Variants in CDH23 observed in about 807,000 individuals in gnomAD.
CDH23 encodes the protein cadherin related 23, also known as cadherin-23.
Under a neutral mutation model 317.1 loss-of-function variants are expected in CDH23, and 189 were observed. The observed-to-expected ratio is 0.60, with a 90% confidence interval of 0.53 to 0.67. The LOEUF (loss-of-function observed/expected upper bound fraction) is 0.67. CDH23 is among the 30% of genes least tolerant of loss of function. The pLI is 0.00. For missense variants in CDH23, 4,401 were observed against 4,592.4 expected, an observed-to-expected ratio of 0.96 and a Z score of 1.20; for synonymous variants, 1,839 against 1,876.8, an observed-to-expected ratio of 0.98 and a Z score of 0.52.
intron 3 of CDH23, among the ~76,000 whole-genome samples, chr10:71,487,442 C>T (rs139869062): frequency 2.7e-3 from 416 of 152,198 alleles, no homozygotes; most frequent in Non-Finnish European, 3.9e-3. Flanking sequence ...CTTACATGGA[C>T]GTGACATAAG....
chr10:71,782,110 T>C (rs1327537961), intron 41 of CDH23, among the ~76,000 whole-genome samples: 3 of 152,214 alleles, frequency 2.0e-5, no homozygotes, highest in East Asian at 1.9e-4. Context: ...GGGAGACAGA[T>C]GCCAGATTTC....
chr10:71,508,733 G>T (rs938852415), intron 3 of CDH23, among the ~76,000 whole-genome samples: 2 of 152,162 alleles, frequency 1.3e-5, no homozygotes, highest in Non-Finnish European at 2.9e-5. Context: ...TAAGTGATTT[G>T]CCTTAGGCCA....
chr10:71,511,890 T>C (rs958421271), intron 6 of CDH23: 1 of 153,572 alleles, frequency 6.5e-6, no homozygotes, highest in Non-Finnish European at 1.4e-5. Context: ...CAGTTAGTGA[T>C]TCAAAGACTC....
At chr10:71,466,208 T>C (rs962075719) in intron 3 of CDH23, among the ~76,000 whole-genome samples, 1 of 152,138 alleles carries the variant, frequency 6.6e-6, no homozygotes, top group African/African-American at 2.4e-5. Context: ...CACACGTGTG[T>C]ATGAGCATGT....
At chr10:71,554,508 GTC>G (rs915003402) in intron 6 of CDH23, among the ~76,000 whole-genome samples, 27 of 151,918 alleles carry the variant, frequency 1.8e-4, no homozygotes, top group Admixed American at 1.6e-3. Context: ...GACTCCTTGC[GTC>G]TCTCAGTCAC....
chr10:71,609,993 T>TGAGAGAGA (rs1269367633), intron 9 of CDH23, among the ~76,000 whole-genome samples: 27 of 137,798 alleles, frequency 2.0e-4, no homozygotes, highest in South Asian at 2.3e-4. Flanking sequence ...TGTGTGTGTG[T>TGAGAGAGA]GTGAGAGAGA....
intron 52 of CDH23, 149 bp downstream of exon 52, chr10:71,799,778 C>A: frequency 9.4e-7 from 1 of 1,066,344 alleles, no homozygotes; most frequent in Admixed American, 2.2e-5. Flanking sequence ...AGTCAGCAAA[C>A]CCTGTTCTCA....
At chr10:71,622,404 C>T (rs544329757) in intron 11 of CDH23, among the ~76,000 whole-genome samples, 22 of 152,162 alleles carry the variant, frequency 1.4e-4, no homozygotes, top group Non-Finnish European at 3.1e-4. Context: ...GTTTGTTGCG[C>T]GGGTTGGAAT....
intron 61 of CDH23, 78 bp downstream of exon 61, chr10:71,810,154 C>T: frequency 6.4e-7 from 1 of 1,551,262 alleles, no homozygotes; most frequent in Non-Finnish European, 8.8e-7. Context: ...AGAGACAGGG[C>T]ATTGTGCAAA....
intron 9 of CDH23, among the ~76,000 whole-genome samples, chr10:71,593,114 T>C (rs1227334123): frequency 6.6e-6 from 1 of 152,154 alleles, no homozygotes; most frequent in Non-Finnish European, 1.5e-5. Context: ...ATACATCTAG[T>C]ACACTTTCAA....
intron 14 of CDH23, among the ~76,000 whole-genome samples, chr10:71,672,690 G>T (rs558199298): frequency 4.6e-5 from 7 of 152,290 alleles, no homozygotes; most frequent in Middle Eastern, 3.4e-3. Context: ...GGGGTTGGGG[G>T]TGTGAAGCCA....
intron 38 of CDH23, among the ~76,000 whole-genome samples, chr10:71,777,028 G>A (rs776859053): frequency 9.2e-5 from 14 of 152,228 alleles, no homozygotes; most frequent in African/African-American, 1.4e-4. Context: ...TCAAGCATTG[G>A]CAGAGATGGC....
intron 22 of CDH23, among the ~76,000 whole-genome samples, chr10:71,698,480 C>T (rs1240661829): frequency 6.6e-6 from 1 of 151,940 alleles, no homozygotes; most frequent in Non-Finnish European, 1.5e-5. Flanking sequence ...AGGGGCTGGC[C>T]CACCACCTGA....
chr10:71,738,656 C>A lies in CDH23; in HGVS notation c.4359+9C>A, dbSNP rs781711209. The A allele has an allele frequency of 3.9e-5, 63 of 1,611,590 alleles. No individual in the cohort carries two copies. Among genetic ancestry groups the A allele is most frequent in the Admixed American group, 6.7e-5 (4 of 59,948 alleles). On this transcript the variant is annotated intron_variant, in intron 35 of 69. Coordinates refer to ENST00000224721, the MANE Select transcript of CDH23 (RefSeq NM_022124.6). ...CTGGCAGCAATGGGCAGGTGGGCCA[C>A]CGAGTGAAACAGCCAGGATCCACCA...
At chr10:71,657,936 G>C (rs1331682206) in intron 14 of CDH23, among the ~76,000 whole-genome samples, 5 of 144,436 alleles carry the variant, frequency 3.5e-5, no homozygotes, top group East Asian at 2.1e-4. Flanking sequence ...CACACACACA[G>C]ACACACAGAA....
intron 38 of CDH23, among the ~76,000 whole-genome samples, chr10:71,755,867 TG>T (rs1840129186): frequency 6.6e-6 from 1 of 152,154 alleles, no homozygotes; most frequent in Non-Finnish European, 1.5e-5. Flanking sequence ...GCCTAAGTGA[TG>T]AAAGTTTTGA....
chr10:71,737,840 A>G, intron 34 of CDH23: 1 of 464,248 alleles, frequency 2.2e-6, no homozygotes, highest in Non-Finnish European at 4.4e-6. Context: ...GACACAAAAC[A>G]ATATGCTCTT....
chr10:71,738,563 G>T lies in CDH23; in HGVS notation c.4275G>T (p.Ala1425=), dbSNP rs369559033. ...SPRFDFTSDS[A]VSIPEDCPVG... ...GGTTTGACTTCACCTCCGACTCGGCGGTCAGCATACCCGAGGACTGCCCTG... is the reference window on the plus strand; with the variant it reads ...GGTTTGACTTCACCTCCGACTCGGCTGTCAGCATACCCGAGGACTGCCCTG... The change falls in exon 35 of 70, where the codon GCG becomes GCT. Residue 1425 remains alanine (A), a synonymous_variant. Transcript: ENST00000224721. 2 of 1,613,926 alleles carry T rather than the reference G, an allele frequency of 1.2e-6. No homozygotes were observed. The highest frequency in any genetic ancestry group is 1.7e-6 in the Non-Finnish European group (2 of 1,179,888).
At chr10:71,811,824 C>A in intron 65 of CDH23, 71 bp downstream of exon 65, 1 of 1,568,124 alleles carries the variant, frequency 6.4e-7, no homozygotes. Flanking sequence ...CCCACCGGAG[C>A]CACAAGCCTG....
Sources: gnomAD v4.1 joint callset for allele counts (sites outside exome capture counted in the v4.1 genomes callset) on GRCh38, gnomAD v4.1.1 for gene constraint, MANE v1.5 for transcripts, NCBI Gene and HGNC (gene_info 2026-07-23, HGNC 2026-07-21) for gene names.